The following WWTR1 variants were observed in gnomAD, a reference collection of about 807,000 sequenced individuals.
WWTR1 encodes the protein WW domain-containing transcription regulator protein 1.
Under a neutral mutation model 40.1 loss-of-function variants are expected in WWTR1, and 13 were observed. The ratio of observed to expected loss-of-function variants is 0.32; its 90% CI spans 0.21 to 0.52. WWTR1 has a LOEUF of 0.52. Among genes scored for constraint, WWTR1 ranks in the 20% least tolerant of loss-of-function variants. The pLI, the probability that WWTR1 is intolerant of heterozygous loss-of-function variation, is 0.97. For synonymous variants in WWTR1, 230 were observed against 210.1 expected (o/e 1.09, Z -0.82); for missense variants, 436 against 523.1 (o/e 0.83, Z 1.63).
At chr3:149,722,389 T>A (rs558564593) in intron 4 of WWTR1, among the ~76,000 whole-genome samples, 11 of 152,172 alleles carry the variant, frequency 7.2e-5, no homozygotes, top group African/African-American at 9.6e-5. Flanking sequence ...TTAATGTAAA[T>A]TTTGAATTTA....
At chr3:149,654,313 A>G (rs1198276162) in intron 2 of WWTR1, among the ~76,000 whole-genome samples, 2 of 152,164 alleles carry the variant, frequency 1.3e-5, no homozygotes, top group African/African-American at 2.4e-5. Context: ...CCTAATTCCA[A>G]CTTTAAACAA....
intron 1 of WWTR1, among the ~76,000 whole-genome samples, chr3:149,676,454 T>C (rs963435291): frequency 1.3e-5 from 2 of 152,186 alleles, no homozygotes; most frequent in African/African-American, 4.8e-5. Flanking sequence ...TCTTTGTGTT[T>C]TTTTTGCGGA....
intron 5 of WWTR1, among the ~76,000 whole-genome samples, chr3:149,711,399 A>G (rs1248973621): frequency 6.6e-6 from 1 of 152,232 alleles, no homozygotes; most frequent in African/African-American, 2.4e-5. Context: ...AATAATAAAT[A>G]ATTCTACTAT....
chr3:149,679,227 C>T (rs182981711), intron 1 of WWTR1, among the ~76,000 whole-genome samples: 7 of 152,214 alleles, frequency 4.6e-5, no homozygotes, highest in Non-Finnish European at 8.8e-5. Context: ...GTTGGGTTGG[C>T]GATGAGCATT....
intron 5 of WWTR1, among the ~76,000 whole-genome samples, chr3:149,710,619 G>A (rs1426744605): frequency 7.0e-5 from 8 of 113,674 alleles, no homozygotes; most frequent in Admixed American, 2.8e-4. Flanking sequence ...TCGCTCTGTC[G>A]CCCAGGCTAG....
intron 2 of WWTR1, among the ~76,000 whole-genome samples, chr3:149,590,999 C>CT (rs35562651): frequency 0.22 from 31,321 of 144,140 alleles, 3,471 homozygotes; most frequent in Middle Eastern, 0.25. Context: ...CAAAACTTAG[C>CT]TTTTTTTTTT....
chr3:149,668,006 A>T (rs1271059849), intron 2 of WWTR1, among the ~76,000 whole-genome samples: 1 of 152,222 alleles, frequency 6.6e-6, no homozygotes, highest in Non-Finnish European at 1.5e-5. Context: ...TGAAAGTGTC[A>T]GTCAAGGCTT....
intron 2 of WWTR1, among the ~76,000 whole-genome samples, chr3:149,645,307 C>T (rs1712450209): frequency 6.6e-6 from 1 of 151,470 alleles, no homozygotes; most frequent in Admixed American, 6.6e-5. Flanking sequence ...TCTTGATCTC[C>T]TGACCTCGTG....
chr3:149,569,304 A>G (rs890864970), intron 3 of WWTR1, among the ~76,000 whole-genome samples: 4 of 152,260 alleles, frequency 2.6e-5, no homozygotes, highest in African/African-American at 9.6e-5. Context: ...AATAAAATAT[A>G]AAATATTTTT....
chr3:149,673,274 T>C (rs4234372), intron 1 of WWTR1, among the ~76,000 whole-genome samples: 86,452 of 151,540 alleles, frequency 0.57, 24,942 homozygotes, highest in Admixed American at 0.66. Flanking sequence ...GAATTGACTA[T>C]CACTGGAAAA....
chr3:149,616,795 T>C (rs1739995623), intron 2 of WWTR1, among the ~76,000 whole-genome samples: 1 of 152,172 alleles, frequency 6.6e-6, no homozygotes, highest in Non-Finnish European at 1.5e-5. Flanking sequence ...TTATGAGAAG[T>C]CATTTTCAGA....
Position 149,702,049 on chromosome 3 carries a change from A to C in WWTR1, c.-108+1075T>G, listed in dbSNP as rs1715195758. The C allele has an allele frequency of 1.8e-5, 3 of 168,290 alleles. 1 individual carries two copies. The South Asian group carries it at 6.1e-4, about 34-fold the overall frequency. 10.4% of individuals were successfully genotyped at this position (168,290 alleles called of 1,614,324 possible). A position where few individuals can be genotyped will look rare whatever the true frequency, so the allele number is the denominator to read the frequency against. ...CTCCTCCTGCAAATAAAATAAATGAAGTGGCAGATGTAACAAAAAAAAAAA... is the reference window on the plus strand; with the variant it reads ...CTCCTCCTGCAAATAAAATAAATGACGTGGCAGATGTAACAAAAAAAAAAA... On this transcript the variant is annotated intron_variant, in intron 1 of 7. Transcript: ENST00000465804.
intron 2 of WWTR1, among the ~76,000 whole-genome samples, chr3:149,630,514 T>G (rs192571850): frequency 5.9e-5 from 9 of 152,326 alleles, no homozygotes; most frequent in African/African-American, 1.2e-4. Flanking sequence ...AATTTCTTCT[T>G]GCCTTTCCTG....
intron 1 of WWTR1, among the ~76,000 whole-genome samples, chr3:149,673,325 C>A (rs4234374): frequency 0.57 from 86,679 of 151,774 alleles, 25,036 homozygotes; most frequent in Admixed American, 0.66. Flanking sequence ...GTTTTAATTA[C>A]TTTATTCAAT....
rs6775900 is a variant in WWTR1, at chr3:149,654,791, C to T, written c.431+2085G>A. Among the ~76,000 whole-genome samples, 11 of 152,238 alleles carry T rather than the reference C, an allele frequency of 7.2e-5. No homozygotes were observed. The East Asian group carries it at 1.5e-3, about 21-fold the overall frequency. On this transcript the variant is annotated intron_variant, in intron 2 of 6. Transcript: ENST00000360632. The stretch of plus-strand genomic sequence containing the variant: ...ACAGTTATACTGATCATATACCATA[C>T]GTATGTGTGTATATATTCATAAACA...
At chr3:149,686,142 G>A (rs1237716840) in intron 1 of WWTR1, among the ~76,000 whole-genome samples, 4 of 152,160 alleles carry the variant, frequency 2.6e-5, no homozygotes, top group Non-Finnish European at 5.9e-5. Context: ...TTACCAAGTA[G>A]AGCACCTTTA....
chr3:149,527,857 C>G lies in WWTR1; in HGVS notation c.884G>C (p.Ser295Thr), dbSNP rs754832902. The G allele has an allele frequency of 1.9e-6, 3 of 1,613,926 alleles. No individual in the cohort carries two copies. The East Asian group carries it at 6.7e-5, about 36-fold the overall frequency. ...TTACCCATTGAGGAAAGGATCTGAGCTATTATTAGTGATGGATCTCATGTC... is the reference window on the plus strand; with the variant it reads ...TTACCCATTGAGGAAAGGATCTGAGGTATTATTAGTGATGGATCTCATGTC... ...TPDMRSITNNSSDPFLNGGPY... is the reference protein window; with the variant it reads ...TPDMRSITNNTSDPFLNGGPY... The change falls in exon 5 of 7, where the codon AGC (serine) becomes ACC (threonine). Residue 295 changes from serine (S) to threonine (T), a missense_variant. Physicochemically the swap from Ser to Thr is moderately conservative, Grantham distance 58. Transcript: ENST00000360632.
chr3:149,698,999 G>T (rs1395886342), intron 1 of WWTR1, among the ~76,000 whole-genome samples: 1 of 152,174 alleles, frequency 6.6e-6, no homozygotes, highest in Non-Finnish European at 1.5e-5. Flanking sequence ...TTTTCCCATT[G>T]TCTTGGCTGT....
Position 149,588,995 on chromosome 3 carries a change from G to A in WWTR1, c.432-15995C>T, listed in dbSNP as rs940105808. On this transcript the variant is annotated intron_variant, in intron 2 of 6. Coordinates refer to ENST00000360632, the MANE Select transcript of WWTR1 (RefSeq NM_015472.6). Reference sequence around the variant, plus strand: ...GAAGGGATAAAGAGGATCAAGGGAAGTTCTATAATTAAGCAATATTTTACG... The same window carrying A: ...GAAGGGATAAAGAGGATCAAGGGAAATTCTATAATTAAGCAATATTTTACG... 5.9e-5 allele frequency among the ~76,000 whole-genome samples: 9 copies of A among 152,334 alleles called. 1 individual carries two copies. Among genetic ancestry groups the A allele is most frequent in the East Asian group, 5.8e-4 (3 of 5,186 alleles).
Sources: allele counts gnomAD v4.1 joint callset (sites outside exome capture counted in the v4.1 genomes callset), GRCh38; gene constraint gnomAD v4.1.1; transcripts MANE v1.5; gene names NCBI Gene and HGNC (gene_info 2026-07-23, HGNC 2026-07-21).